Variants in PLAUR observed in about 807,000 individuals in gnomAD.
PLAUR encodes urokinase plasminogen activator surface receptor.
A neutral mutation model predicts 33.4 loss-of-function variants in PLAUR; 22 were observed. That is an observed-to-expected ratio of 0.66 (90% CI 0.47 to 0.94). PLAUR has a LOEUF of 0.94. Ranked by LOEUF, PLAUR falls within the 40% of genes least tolerant of loss-of-function variation. The probability of loss-of-function intolerance (pLI) is 0.00; values close to 1 mark genes in which losing one functional copy is unlikely to be tolerated. For synonymous variants in PLAUR, 148 were observed against 167.3 expected, an observed-to-expected ratio of 0.88 and a Z score of 0.89; for missense variants, 408 against 434.7, an observed-to-expected ratio of 0.94 and a Z score of 0.55.
At chr19:43,658,378 G>C (rs1974298314) in intron 3 of PLAUR, among the ~76,000 whole-genome samples, 1 of 152,178 alleles carries the variant, frequency 6.6e-6, no homozygotes, top group South Asian at 2.1e-4. Context: ...GAACCACCTA[G>C]CTAAGCCACT....
In PLAUR at chr19:43,668,499, T is replaced by C. The variant is rs373554966; in HGVS notation, c.56-808A>G. Among the ~76,000 whole-genome samples, 20 of 148,804 alleles carry C rather than the reference T, an allele frequency of 1.3e-4. No individual in the cohort carries two copies. The East Asian group carries it at 3.7e-3, about 27-fold the overall frequency. On this transcript the variant is annotated intron_variant, in intron 1 of 6. Transcript: ENST00000340093. ...TCCTTGAGATTCTAACTTCGCCCTT[T>C]AGCTCTCCCCGCCCCTAGTTTTCCC...
At chr19:43,651,652 C>T (rs1973999777) in intron 6 of PLAUR, 1 of 220,428 alleles carries the variant, frequency 4.5e-6, no homozygotes, top group African/African-American at 2.3e-5. Context: ...GCCAGGCTTG[C>T]TCTCATACTC....
intron 1 of PLAUR, among the ~76,000 whole-genome samples, chr19:43,668,486 T>C (rs941840901): frequency 3.3e-5 from 5 of 149,700 alleles, no homozygotes; most frequent in African/African-American, 1.2e-4. Context: ...CTTGAGATTC[T>C]AACTTCGCCC....
chr19:43,652,132 C>A (rs1286973674), intron 6 of PLAUR, 93 bp downstream of exon 6: 1 of 1,565,544 alleles, frequency 6.4e-7, no homozygotes, highest in Non-Finnish European at 8.7e-7. Flanking sequence ...GGGAGACCCA[C>A]CACAGTTAAC....
At position 43,648,632 on chromosome 19, in the gene PLAUR, TTAA is replaced by T. The variant is rs1973865544; in HGVS notation, c.*255_*257del. The T allele has an allele frequency of 1.2e-6, 1 of 830,692 alleles. No individual in the cohort carries two copies. The highest frequency in any genetic ancestry group is 4.1e-5 in the Admixed American group (1 of 24,602). The allele number at this position is 830,692 out of a possible 1,614,324, so 51.5% of individuals were successfully genotyped here. On this transcript the variant is annotated 3_prime_UTR_variant, in exon 7 of 7. Transcript: ENST00000340093. Reference sequence around the variant, plus strand: ...ATAAAATAAATAATATGAATATTAATTAATAACAACAACACAACAGCGGCAACA... The same window carrying T: ...ATAAAATAAATAATATGAATATTAATTAACAACAACACAACAGCGGCAACA...
intron 3 of PLAUR, among the ~76,000 whole-genome samples, chr19:43,656,979 C>T (rs1282701112): frequency 7.3e-5 from 11 of 150,508 alleles, no homozygotes; most frequent in Admixed American, 6.6e-4. Flanking sequence ...AGTCTCACTC[C>T]GTCACCCAGG....
chr19:43,649,231 G>T, intron 6 of PLAUR, 88 bp from the exon 7 acceptor site: 2 of 1,445,138 alleles, frequency 1.4e-6, no homozygotes, highest in Non-Finnish European at 1.9e-6. Context: ...CTTGCAGTGG[G>T]TGCCACCTTC....
At chr19:43,666,525 C>T (rs1247619283) in intron 2 of PLAUR, among the ~76,000 whole-genome samples, 1 of 150,614 alleles carries the variant, frequency 6.6e-6, no homozygotes, top group Non-Finnish European at 1.5e-5. Flanking sequence ...CCGTCCCTCC[C>T]TCCCTTCCTC....
Position 43,656,735 on chromosome 19 carries a change from C to G in PLAUR, c.311-95G>C. The G allele has an allele frequency of 3.9e-6, 4 of 1,019,458 alleles. No individual in the cohort carries two copies. The South Asian group carries it at 6.6e-5, about 17-fold the overall frequency. 63.2% of individuals were successfully genotyped at this position (1,019,458 alleles called of 1,614,324 possible). ...TCACTCAAAATCAATTCCTCCTTATCCCACCCTGCAGCCAGTCATTGAGCC... is the reference window on the plus strand; with the variant it reads ...TCACTCAAAATCAATTCCTCCTTATGCCACCCTGCAGCCAGTCATTGAGCC... On this transcript the variant is annotated intron_variant, in intron 3 of 6. Transcript: ENST00000340093.
At chr19:43,659,384 C>G (rs920121017) in intron 3 of PLAUR, among the ~76,000 whole-genome samples, 1 of 152,036 alleles carries the variant, frequency 6.6e-6, no homozygotes, top group Non-Finnish European at 1.5e-5. Context: ...AACTCCTGGA[C>G]TCAAATGATC....
intron 3 of PLAUR, among the ~76,000 whole-genome samples, chr19:43,662,877 G>A (rs1967066256): frequency 6.6e-6 from 1 of 152,128 alleles, no homozygotes; most frequent in Non-Finnish European, 1.5e-5. Context: ...ATCACATCTG[G>A]CTAATTTTTT....
intron 3 of PLAUR, among the ~76,000 whole-genome samples, chr19:43,657,089 G>T (rs1038276266): frequency 6.6e-6 from 1 of 151,870 alleles, no homozygotes; most frequent in East Asian, 1.9e-4. Flanking sequence ...GACTACAGGC[G>T]TGCACCATCA....
chr19:43,660,487 T>G (rs1463926562), intron 3 of PLAUR: 1 of 152,026 alleles, frequency 6.6e-6, no homozygotes, highest in African/African-American at 2.4e-5. Flanking sequence ...TTTTTTTTTT[T>G]TTAAAGATGG....
chr19:43,648,180 G>A (rs1275809879), downstream of PLAUR, among the ~76,000 whole-genome samples: 1 of 151,902 alleles, frequency 6.6e-6, no homozygotes, highest in African/African-American at 2.4e-5. Flanking sequence ...GCTGGATTTA[G>A]CTGATTTTTT....
chr19:43,669,809 CAAAAAAA>C (rs59728904), intron 1 of PLAUR, among the ~76,000 whole-genome samples: 1 of 71,192 alleles, frequency 1.4e-5, no homozygotes, highest in Non-Finnish European at 2.6e-5. Context: ...GAGACTCTGT[CAAAAAAA>C]AAAAAAAAAA....
chr19:43,669,308 C>A lies in PLAUR; in HGVS notation c.55+758G>T, dbSNP rs541264086. Among the ~76,000 whole-genome samples, 24 of 152,158 alleles carry A rather than the reference C, an allele frequency of 1.6e-4. 1 individual carries two copies. Among genetic ancestry groups the A allele is most frequent in the South Asian group, 4.1e-4 (2 of 4,830 alleles). On this transcript the variant is annotated intron_variant, in intron 1 of 6. Coordinates refer to ENST00000340093, the MANE Select transcript of PLAUR (RefSeq NM_002659.4). ...TTTTGTAAAAGGGGGTCCTGTCCCC[C>A]CGTTTCTCAGAGGGGGAGACCCAGC... is the stretch of plus-strand genomic sequence containing the variant.
chr19:43,666,777 C>G (rs1350302672), intron 2 of PLAUR, among the ~76,000 whole-genome samples: 1 of 151,954 alleles, frequency 6.6e-6, no homozygotes, highest in Non-Finnish European at 1.5e-5. Flanking sequence ...CCATGTTGGC[C>G]AGGCTGGTCC....
At chr19:43,667,061 G>C (rs921587975) in intron 2 of PLAUR, among the ~76,000 whole-genome samples, 8 of 149,404 alleles carry the variant, frequency 5.4e-5, no homozygotes, top group Non-Finnish European at 1.2e-4. Flanking sequence ...TTTTTTGTGT[G>C]TGTGTGGAGA....
chr19:43,665,009 T>G, intron 3 of PLAUR: 2 of 365,942 alleles, frequency 5.5e-6, no homozygotes, highest in African/African-American at 2.0e-5. Context: ...GAGATAAGGA[T>G]GGGGTTGATT....
Sources: allele counts gnomAD v4.1 joint callset (sites outside exome capture counted in the v4.1 genomes callset), GRCh38; gene constraint gnomAD v4.1.1; transcripts MANE v1.5; gene names NCBI Gene and HGNC (gene_info 2026-07-23, HGNC 2026-07-21).